Variants in PPP1R11 observed in about 807,000 individuals in gnomAD.
The protein encoded by PPP1R11 is protein phosphatase 1 regulatory inhibitor subunit 11, also known as E3 ubiquitin-protein ligase PPP1R11.
A neutral mutation model predicts 11.3 loss-of-function variants in PPP1R11; 10 were observed. The ratio of observed to expected loss-of-function variants is 0.88; its 90% CI spans 0.55 to 1.50. The LOEUF (loss-of-function observed/expected upper bound fraction) is 1.50, where lower values mean the gene tolerates loss of function less well. Among genes scored for constraint, PPP1R11 ranks in the 40% most tolerant of loss-of-function variants. PPP1R11 has a pLI of 0.00. For missense variants in PPP1R11, 114 were observed against 179.1 expected, an observed-to-expected ratio of 0.64 and a Z score of 2.07; for synonymous variants, 56 against 62.3, an observed-to-expected ratio of 0.90 and a Z score of 0.48.
At position 30,068,582 on chromosome 6, in the gene PPP1R11, C is replaced by T. The variant is rs1342280583; in HGVS notation, c.70-8C>T. On this transcript the variant is annotated splice_polypyrimidine_tract_variant and splice_region_variant and intron_variant, in intron 1 of 2. Coordinates refer to ENST00000376772, the MANE Select transcript of PPP1R11 (RefSeq NM_021959.3). ...ACTAGATAGGTATGCTCATCCTTAA[C>T]CTTCTAGGAGAACCGGAGCCTTACC... 2 of 1,609,810 alleles carry T rather than the reference C, an allele frequency of 1.2e-6. No homozygotes were observed. The highest frequency in any genetic ancestry group is 1.7e-6 in the Non-Finnish European group (2 of 1,178,292).
intron 1 of PPP1R11, chr6:30,067,686 A>G (rs1404674864): frequency 1.7e-6 from 1 of 588,238 alleles, no homozygotes; most frequent in Non-Finnish European, 3.0e-6. Flanking sequence ...AACTTGTAAT[A>G]GGGAGGTACA....
upstream of PPP1R11, among the ~76,000 whole-genome samples, chr6:30,064,215 A>G (rs1765329496): frequency 6.6e-6 from 1 of 152,052 alleles, no homozygotes; most frequent in Admixed American, 6.5e-5. Context: ...TTGCCATCTC[A>G]TCAAAGGATT....
At chr6:30,063,681 GT>G (rs993885983), upstream of PPP1R11, among the ~76,000 whole-genome samples, 11 of 152,034 alleles carry the variant, frequency 7.2e-5, no homozygotes, top group Admixed American at 7.2e-4. This position sits in a 1 kb window ranked among gnomAD's most constrained non-coding sequence, Gnocchi z 4.1. Flanking sequence ...ATAAATTCGA[GT>G]TTTTTAGAAC....
Position 30,069,025 on chromosome 6 carries a change from C to T in PPP1R11, c.179-79C>T. ...AGGTAGGAGAAAATAGGAATTTTCA[C>T]TGAGTTTGAGTGGGAATGGAACTGA... On this transcript the variant is annotated intron_variant, in intron 2 of 2. Transcript: ENST00000376772. The surrounding 1 kb of genome is among the most constrained non-coding windows in gnomAD (Gnocchi z 6.6). 1 of 1,403,304 alleles carries T rather than the reference C, an allele frequency of 7.1e-7. No individual in the cohort carries two copies. 86.9% of individuals were successfully genotyped at this position (1,403,304 alleles called of 1,614,324 possible). A position where few individuals can be genotyped will look rare whatever the true frequency, so the allele number is the denominator to read the frequency against.
chr6:30,064,523 G>T, upstream of PPP1R11: 1 of 569,728 alleles, frequency 1.8e-6, no homozygotes, highest in East Asian at 3.1e-5. Flanking sequence ...AGTTGTCTTG[G>T]AATTAGAATT....
upstream of PPP1R11, chr6:30,061,895 C>G (rs1413078759): frequency 9.9e-6 from 16 of 1,611,040 alleles, no homozygotes; most frequent in Non-Finnish European, 1.3e-5. The surrounding 1 kb of genome is among the most constrained non-coding windows in gnomAD (Gnocchi z 5.0). Context: ...TCTCCATAAC[C>G]AGTTCTTACT....
chr6:30,064,906 G>T, upstream of PPP1R11: 1 of 423,696 alleles, frequency 2.4e-6, no homozygotes, highest in South Asian at 6.5e-5. Context: ...ATAAGACCCT[G>T]ACATATGTAT....
chr6:30,062,412 T>C (rs9261271), upstream of PPP1R11: 1 of 974,006 alleles, frequency 1.0e-6, no homozygotes, highest in Non-Finnish European at 1.6e-6. Context: ...TTGTACGAAA[T>C]GGCCGTTTCC....
At chr6:30,063,547 TG>T (rs1340014906), upstream of PPP1R11, among the ~76,000 whole-genome samples, 7 of 151,790 alleles carry the variant, frequency 4.6e-5, no homozygotes, top group African/African-American at 1.7e-4. The surrounding 1 kb of genome is among the most constrained non-coding windows in gnomAD (Gnocchi z 4.1). Flanking sequence ...ATATTAAATA[TG>T]GTTATTATAT....
At position 30,068,568 on chromosome 6, in the gene PPP1R11, A is replaced by G. The variant is rs41272567; in HGVS notation, c.70-22A>G. Reference sequence around the variant, plus strand: ...GTTAGTAAGAGGGGACTAGATAGGTATGCTCATCCTTAACCTTCTAGGAGA... The same window carrying G: ...GTTAGTAAGAGGGGACTAGATAGGTGTGCTCATCCTTAACCTTCTAGGAGA... On this transcript the variant is annotated intron_variant, in intron 1 of 2. Coordinates refer to ENST00000376772, the MANE Select transcript of PPP1R11 (RefSeq NM_021959.3). 4.3e-3 allele frequency: 6,828 copies of G among 1,596,144 alleles called. 17 individuals carry two copies. Among genetic ancestry groups the G allele is most frequent in the Non-Finnish European group, 5.1e-3 (5,929 of 1,166,574 alleles).
At chr6:30,061,704 G>A in the PPP1R11 span, 2 of 1,611,096 alleles carry the variant, frequency 1.2e-6, no homozygotes, top group Non-Finnish European at 1.7e-6. The surrounding 1 kb of genome is among the most constrained non-coding windows in gnomAD (Gnocchi z 5.0). Context: ...CTGGCGGAGG[G>A]CGCAGGGTCG....
Position 30,067,278 on chromosome 6 carries a change from G to A in PPP1R11, c.-133G>A, listed in dbSNP as rs529055097. The A allele has an allele frequency of 2.2e-6, 2 of 912,744 alleles. No individual in the cohort carries two copies. The highest frequency in any genetic ancestry group is 3.4e-6 in the Non-Finnish European group (2 of 595,330). The allele number at this position is 912,744 out of a possible 1,614,324, so 56.5% of individuals were successfully genotyped here. ...TGGAGAAGCGGAGGCCCAGGAGGAG[G>A]GGGAATAAAGAAGGTGGAGGATCCT... On this transcript the variant is annotated 5_prime_UTR_variant, in exon 1 of 3. Coordinates refer to ENST00000376772, the MANE Select transcript of PPP1R11 (RefSeq NM_021959.3).
upstream of PPP1R11, among the ~76,000 whole-genome samples, chr6:30,063,990 C>T (rs372474168): frequency 2.6e-4 from 40 of 152,286 alleles, 1 homozygote; most frequent in East Asian, 3.5e-3. This position sits in a 1 kb window ranked among gnomAD's most constrained non-coding sequence, Gnocchi z 4.1. Flanking sequence ...CAAGAAAGGG[C>T]AGCCTTTTGC....
rs763866027 is a variant in PPP1R11, at chr6:30,067,437, C to A, written c.27C>A (p.Ser9Arg). The A allele has an allele frequency of 6.2e-7, 1 of 1,614,112 alleles. No individual in the cohort carries two copies. The highest frequency in any genetic ancestry group is 1.1e-5 in the South Asian group (1 of 91,076). Residue 9 changes from serine to arginine, a missense_variant, in exon 1 of 3, where the codon AGC (serine) becomes AGA (arginine). Transcript: ENST00000376772. The stretch of plus-strand genomic sequence containing the variant: ...TGGCCGAGGCAGGGGCTGGGCTGAG[C>A]GAGACCGTCACTGAGACAACGGTTA... MAEAGAGL[S>R]ETVTETTVTV... is the part of the protein sequence containing the mutation.
upstream of PPP1R11, among the ~76,000 whole-genome samples, chr6:30,063,133 T>C (rs569581918): frequency 7.2e-5 from 11 of 152,006 alleles, no homozygotes; most frequent in East Asian, 2.1e-3. This position sits in a 1 kb window ranked among gnomAD's most constrained non-coding sequence, Gnocchi z 4.1. Flanking sequence ...TGTTGGACTT[T>C]CTGAAACTGA....
upstream of PPP1R11, among the ~76,000 whole-genome samples, chr6:30,063,945 T>C (rs1224491553): frequency 1.3e-5 from 2 of 152,182 alleles, no homozygotes; most frequent in Non-Finnish European, 2.9e-5. The surrounding 1 kb of genome is among the most constrained non-coding windows in gnomAD (Gnocchi z 4.1). Context: ...TCCCCTTCTA[T>C]AGAGTTGAAT....
chr6:30,064,147 T>C (rs1361909543), upstream of PPP1R11, among the ~76,000 whole-genome samples: 1 of 152,222 alleles, frequency 6.6e-6, no homozygotes, highest in Admixed American at 6.5e-5. Context: ...TTAACTTCCC[T>C]GTCTGGATTT....
chr6:30,063,262 GGT>G (rs1765261707), upstream of PPP1R11, among the ~76,000 whole-genome samples: 1 of 151,818 alleles, frequency 6.6e-6, no homozygotes, highest in Non-Finnish European at 1.5e-5. The surrounding 1 kb of genome is among the most constrained non-coding windows in gnomAD (Gnocchi z 4.1). Context: ...ACTAGAAAGA[GGT>G]TTCTCTCTTC....
Position 30,067,205 on chromosome 6 carries a change from C to G in PPP1R11, c.-206C>G. 1.9e-6 allele frequency: 1 copy of G among 538,210 alleles called. No homozygotes were observed. Among genetic ancestry groups the G allele is most frequent in the South Asian group, 2.7e-5 (1 of 37,034 alleles). The allele number at this position is 538,210 out of a possible 1,614,324, so 33.3% of individuals were successfully genotyped here. On this transcript the variant is annotated 5_prime_UTR_variant, in exon 1 of 3. Coordinates refer to ENST00000376772, the MANE Select transcript of PPP1R11 (RefSeq NM_021959.3). ...AGGGGGACTGCAGTATGCGTCACAC[C>G]CGGAAGCGGCGAGCCGGAAGTGGGG...
Sources: allele counts gnomAD v4.1 joint callset (sites outside exome capture counted in the v4.1 genomes callset), GRCh38; gene constraint gnomAD v4.1.1; non-coding constraint Gnocchi (gnomAD v3.1); transcripts MANE v1.5; gene names NCBI Gene and HGNC (gene_info 2026-07-23, HGNC 2026-07-21).